Variants in PKHD1 observed in about 807,000 individuals in gnomAD.
PKHD1 encodes the protein fibrocystin.
Under a neutral mutation model 412.0 loss-of-function variants are expected in PKHD1, and 291 were observed. The observed-to-expected ratio is 0.71, with a 90% CI of 0.64 to 0.78. The LOEUF (loss-of-function observed/expected upper bound fraction) is 0.78, where lower values mean the gene tolerates loss of function less well. PKHD1 is among the 30% of genes least tolerant of loss of function. PKHD1 has a pLI of 0.00. For synonymous variants in PKHD1, 1,777 were observed against 1,821.5 expected, an observed-to-expected ratio of 0.98 and a Z score of 0.62; for missense variants, 4,825 against 4,950.7, an observed-to-expected ratio of 0.97 and a Z score of 0.76.
chr6:52,077,327 C>T (rs968576069), intron 5 of PKHD1, among the ~76,000 whole-genome samples: 43 of 152,112 alleles, frequency 2.8e-4, no homozygotes, highest in African/African-American at 1.0e-3. Flanking sequence ...AACAGGAAAG[C>T]TTAAGGATGA....
At chr6:52,021,250 T>C (rs751783147) in intron 33 of PKHD1, among the ~76,000 whole-genome samples, 1 of 152,222 alleles carries the variant, frequency 6.6e-6, no homozygotes, top group Non-Finnish European at 1.5e-5. Context: ...TTTCTAAATC[T>C]TTCTAAACAC....
intron 35 of PKHD1, among the ~76,000 whole-genome samples, chr6:52,005,317 C>T (rs576458455): frequency 4.7e-4 from 71 of 152,228 alleles, no homozygotes; most frequent in Non-Finnish European, 7.3e-4. Context: ...TCACTGACTC[C>T]TTGGGGATTA....
chr6:51,870,860 G>GA (rs548505810), intron 46 of PKHD1, among the ~76,000 whole-genome samples: 374 of 144,020 alleles, frequency 2.6e-3, no homozygotes, highest in Non-Finnish European at 4.5e-3. Context: ...CAAAAATCAG[G>GA]AAAAAAAAAC....
chr6:51,624,492 C>A (rs1217563156), intron 66 of PKHD1, among the ~76,000 whole-genome samples: 1 of 152,240 alleles, frequency 6.6e-6, no homozygotes, highest in African/African-American at 2.4e-5. Flanking sequence ...AAGCAGCCAG[C>A]AGAAAACTGT....
chr6:52,073,339 G>T, intron 7 of PKHD1, 124 bp downstream of exon 7: 1 of 782,394 alleles, frequency 1.3e-6, no homozygotes, highest in Non-Finnish European at 2.3e-6. Flanking sequence ...ACCATAAACT[G>T]CAAAAAGGAA....
At position 51,871,917 on chromosome 6, in the gene PKHD1, G is replaced by C. The variant is rs979160082; in HGVS notation, c.7351-1278C>G. Among the ~76,000 whole-genome samples, 2 of 125,022 alleles carry C rather than the reference G, an allele frequency of 1.6e-5. 1 individual carries two copies. The allele number at this position is 125,022 out of a possible 152,430, so 82.0% of individuals were successfully genotyped here. ...ACTCAGTGGACACAAAGCTAGTCTA[G>C]AAATCAGAAGAAAACAAAAACTATA... On this transcript the variant is annotated intron_variant, in intron 46 of 66. Transcript: ENST00000371117.
At chr6:51,903,469 C>T in intron 43 of PKHD1, 128 bp downstream of exon 43, 2 of 781,082 alleles carry the variant, frequency 2.6e-6, no homozygotes, top group South Asian at 1.4e-5. Context: ...TATGTGTGAC[C>T]CAATTCTTCC....
At chr6:51,754,368 T>G (rs990192968) in intron 56 of PKHD1, among the ~76,000 whole-genome samples, 1 of 152,164 alleles carries the variant, frequency 6.6e-6, no homozygotes, top group Admixed American at 6.5e-5. Flanking sequence ...GTATGGAAAA[T>G]GAAATCATTA....
In PKHD1 at chr6:51,632,656, G is replaced by A. The variant is rs1768065584; in HGVS notation, c.11574C>T (p.Thr3858=). The change falls in exon 65 of 67, where the codon ACC becomes ACT. Residue 3858 remains threonine, a synonymous_variant. Transcript: ENST00000371117. ...VLPVTRKEKS[T]IILAASLSSV... ...AGGACAGGGAAGCAGCCAGGATGAT[G>A]GTCGACTTCTCCTTCCTAGTCACAG... 6.2e-7 allele frequency: 1 copy of A among 1,613,280 alleles called. No individual in the cohort carries two copies. Among genetic ancestry groups the A allele is most frequent in the South Asian group, 1.1e-5 (1 of 91,060 alleles).
chr6:52,070,957 G>C (rs1336263754), intron 9 of PKHD1, 49 bp downstream of exon 9: 1 of 1,138,582 alleles, frequency 8.8e-7, no homozygotes, highest in African/African-American at 1.5e-5. Context: ...TCCGGATACA[G>C]AGAAAGAAAT....
chr6:51,935,794 A>G (rs1050671076), intron 36 of PKHD1, among the ~76,000 whole-genome samples: 4 of 152,192 alleles, frequency 2.6e-5, no homozygotes, highest in Non-Finnish European at 4.4e-5. Context: ...GGTTCTTTTG[A>G]TATTCCCGTG....
At position 52,028,187 on chromosome 6, in the gene PKHD1, A is replaced by T; in HGVS notation, c.3529T>A (p.Ser1177Thr). 1 of 1,614,256 alleles carries T rather than the reference A, an allele frequency of 6.2e-7. No homozygotes were observed. Among genetic ancestry groups the T allele is most frequent in the Non-Finnish European group, 8.5e-7 (1 of 1,180,044 alleles). The change falls in exon 30 of 67, where the codon TCT (serine) becomes ACT (threonine). Residue 1177 changes from serine (S) to threonine (T), a missense_variant. Ser to Thr is a moderately conservative substitution (Grantham distance 58). Coordinates refer to ENST00000371117, the MANE Select transcript of PKHD1 (RefSeq NM_138694.4). ...LPAGLHRISV[S>T]INGVSIHSQG... ...GAGTGAATGCTGACCCCATTGATAG[A>T]GACGGAAATTCTGTGGAGACCAGCT...
intron 52 of PKHD1, among the ~76,000 whole-genome samples, chr6:51,807,912 G>A (rs914181248): frequency 6.6e-6 from 1 of 152,020 alleles, no homozygotes; most frequent in African/African-American, 2.4e-5. Context: ...TGTGGCTGGG[G>A]GAGATTGCGG....
chr6:52,039,042 T>C (rs1275908006), intron 27 of PKHD1, among the ~76,000 whole-genome samples: 2 of 152,106 alleles, frequency 1.3e-5, no homozygotes, highest in African/African-American at 4.8e-5. Context: ...AACAATAAAA[T>C]GACAAATAAC....
chr6:51,639,485 A>G (rs1338017058), intron 63 of PKHD1, among the ~76,000 whole-genome samples: 1 of 152,162 alleles, frequency 6.6e-6, no homozygotes, highest in East Asian at 1.9e-4. Flanking sequence ...TTAGGCCAAG[A>G]GATCAGGACC....
At chr6:51,829,138 C>G (rs900476998) in intron 52 of PKHD1, among the ~76,000 whole-genome samples, 26 of 152,102 alleles carry the variant, frequency 1.7e-4, no homozygotes, top group African/African-American at 6.3e-4. Context: ...GTCCTTTCTA[C>G]ATCCAATGCC....
intron 52 of PKHD1, among the ~76,000 whole-genome samples, chr6:51,822,967 T>C (rs773700937): frequency 3.3e-5 from 5 of 152,300 alleles, no homozygotes; most frequent in Non-Finnish European, 5.9e-5. Context: ...TTGTAATTTG[T>C]ATTGTTAAGG....
At chr6:51,962,258 A>C (rs1048960187) in intron 35 of PKHD1, among the ~76,000 whole-genome samples, 1 of 152,106 alleles carries the variant, frequency 6.6e-6, no homozygotes, top group Admixed American at 6.6e-5. Context: ...TATGAAGAAA[A>C]CCAGGGCTCA....
intron 8 of PKHD1, 106 bp downstream of exon 8, chr6:52,072,009 A>T (rs1317208223): frequency 3.9e-6 from 3 of 763,512 alleles, no homozygotes; most frequent in Admixed American, 1.8e-5. Flanking sequence ...TTTTAAAAAA[A>T]CAGATATATG....
Sources: allele counts gnomAD v4.1 joint callset (sites outside exome capture counted in the v4.1 genomes callset), GRCh38; gene constraint gnomAD v4.1.1; transcripts MANE v1.5; gene names NCBI Gene and HGNC (gene_info 2026-07-23, HGNC 2026-07-21).